Variants in NLGN1 observed in about 807,000 individuals in gnomAD.
The protein encoded by NLGN1 is neuroligin 1.
Under a neutral mutation model 65.5 loss-of-function variants are expected in NLGN1, and 12 were observed. The observed-to-expected ratio is 0.18, with a 90% CI of 0.12 to 0.30. The LOEUF (loss-of-function observed/expected upper bound fraction) is 0.30. Ranked by LOEUF, NLGN1 falls within the 10% of genes least tolerant of loss-of-function variation. The probability of loss-of-function intolerance (pLI) is 1.00; values close to 1 mark genes in which losing one functional copy is unlikely to be tolerated. For missense variants in NLGN1, 750 were observed against 1,007.1 expected, an observed-to-expected ratio of 0.74 and a Z score of 3.46; for synonymous variants, 350 against 359.5, an observed-to-expected ratio of 0.97 and a Z score of 0.30.
At chr3:173,829,873 G>A (rs1224173300) in intron 4 of NLGN1, among the ~76,000 whole-genome samples, 2 of 152,032 alleles carry the variant, frequency 1.3e-5, no homozygotes, top group African/African-American at 4.8e-5. Flanking sequence ...ATGTCTAAAA[G>A]GTTTTGAGTA....
intron 3 of NLGN1, among the ~76,000 whole-genome samples, chr3:173,805,496 G>A (rs1716448767): frequency 6.6e-6 from 1 of 152,154 alleles, no homozygotes; most frequent in African/African-American, 2.4e-5. Context: ...CATATTTTCA[G>A]TGTTTTCTGA....
At chr3:174,237,720 C>G (rs1327127281) in intron 4 of NLGN1, among the ~76,000 whole-genome samples, 2 of 152,086 alleles carry the variant, frequency 1.3e-5, no homozygotes, top group East Asian at 3.9e-4. Flanking sequence ...TAATGTGTGG[C>G]TAATTTTTGT....
At chr3:174,026,414 C>G (rs1728839147) in intron 4 of NLGN1, among the ~76,000 whole-genome samples, 1 of 152,154 alleles carries the variant, frequency 6.6e-6, no homozygotes, top group African/African-American at 2.4e-5. Context: ...TCATGAACCA[C>G]CACACCTGGC....
At chr3:173,722,241 CTTTTTTTTTTT>C (rs58327862) in intron 3 of NLGN1, among the ~76,000 whole-genome samples, 25 of 100,128 alleles carry the variant, frequency 2.5e-4, no homozygotes, top group Admixed American at 7.3e-4. Context: ...TCTTCTTCTT[CTTTTTTTTTTT>C]TTTTTTTTTT....
chr3:173,580,548 A>G (rs1746234805), intron 2 of NLGN1, among the ~76,000 whole-genome samples: 1 of 152,124 alleles, frequency 6.6e-6, no homozygotes, highest in African/African-American at 2.4e-5. Context: ...TAAGTCAGTC[A>G]TTTACTAATA....
chr3:174,109,797 T>C (rs1430951617), intron 4 of NLGN1, among the ~76,000 whole-genome samples: 2 of 152,056 alleles, frequency 1.3e-5, no homozygotes, highest in Non-Finnish European at 2.9e-5. Context: ...TTAATGTTGC[T>C]TTCAAGGAAC....
intron 4 of NLGN1, among the ~76,000 whole-genome samples, chr3:173,832,653 A>C (rs1391797387): frequency 6.6e-6 from 1 of 152,224 alleles, no homozygotes; most frequent in Admixed American, 6.5e-5. Flanking sequence ...AATTTTGTTA[A>C]CTTAGGAAAG....
chr3:173,669,553 A>G (rs183686856), intron 3 of NLGN1, among the ~76,000 whole-genome samples: 1 of 152,312 alleles, frequency 6.6e-6, no homozygotes, highest in East Asian at 1.9e-4. Context: ...ATATTGGATT[A>G]GGGACCACCC....
intron 4 of NLGN1, among the ~76,000 whole-genome samples, chr3:174,100,426 C>T (rs1576869896): frequency 1.3e-5 from 2 of 152,156 alleles, no homozygotes; most frequent in African/African-American, 4.8e-5. Flanking sequence ...GTACAAGGCT[C>T]ATCTTGTCTC....
intron 3 of NLGN1, among the ~76,000 whole-genome samples, chr3:173,763,897 A>T (rs565925643): frequency 6.6e-6 from 1 of 152,174 alleles, no homozygotes; most frequent in African/African-American, 2.4e-5. Context: ...TCACACATCA[A>T]GCATACTCAT....
chr3:174,123,403 T>G (rs956643710), intron 4 of NLGN1, among the ~76,000 whole-genome samples: 4 of 119,956 alleles, frequency 3.3e-5, no homozygotes, highest in Non-Finnish European at 5.5e-5. Flanking sequence ...AGGCTGTTTT[T>G]GTTGTTGTTT....
chr3:174,133,753 T>C (rs1284174483), intron 4 of NLGN1, among the ~76,000 whole-genome samples: 1 of 152,102 alleles, frequency 6.6e-6, no homozygotes, highest in Non-Finnish European at 1.5e-5. Context: ...TGGAGGCAGA[T>C]TGTCGGAAGT....
At chr3:174,133,477 CCAGT>C (rs780487528) in intron 4 of NLGN1, among the ~76,000 whole-genome samples, 45 of 152,126 alleles carry the variant, frequency 3.0e-4, no homozygotes, top group Non-Finnish European at 5.4e-4. Flanking sequence ...GGGTTACCAG[CCAGT>C]CAATCTTTGG....
chr3:173,879,673 G>T, intron 4 of NLGN1, among the ~76,000 whole-genome samples: 1 of 151,372 alleles, frequency 6.6e-6, no homozygotes, highest in African/African-American at 2.4e-5. Context: ...TATATTCTGG[G>T]CATCATGAAT....
chr3:173,739,147 T>C (rs1774228690), intron 3 of NLGN1, among the ~76,000 whole-genome samples: 1 of 151,960 alleles, frequency 6.6e-6, no homozygotes, highest in Admixed American at 6.6e-5. Context: ...GTCGTACTCA[T>C]GGAACATCAA....
intron 4 of NLGN1, among the ~76,000 whole-genome samples, chr3:174,240,854 G>C (rs1247166019): frequency 6.6e-6 from 1 of 152,178 alleles, no homozygotes; most frequent in Admixed American, 6.5e-5. Flanking sequence ...CAGGTGGACT[G>C]CTTCCTGTCA....
chr3:174,021,247 C>T (rs1239971660), intron 4 of NLGN1, among the ~76,000 whole-genome samples: 4 of 151,874 alleles, frequency 2.6e-5, no homozygotes, highest in Non-Finnish European at 2.9e-5. Flanking sequence ...TATCTTTAAA[C>T]AATAATTTAC....
chr3:174,016,063 A>G (rs1315235977), intron 4 of NLGN1, among the ~76,000 whole-genome samples: 1 of 152,194 alleles, frequency 6.6e-6, no homozygotes, highest in Non-Finnish European at 1.5e-5. Context: ...CATCCCAGAA[A>G]TTAGAGTAGA....
intron 1 of NLGN1, among the ~76,000 whole-genome samples, chr3:173,405,014 T>C (rs1456585386): frequency 1.3e-5 from 2 of 152,122 alleles, no homozygotes; most frequent in Non-Finnish European, 2.9e-5. Context: ...ATCCATCTTT[T>C]ACATGAATAA....
Sources: gnomAD v4.1 joint callset for allele counts (sites outside exome capture counted in the v4.1 genomes callset) on GRCh38, gnomAD v4.1.1 for gene constraint, MANE v1.5 for transcripts, NCBI Gene and HGNC (gene_info 2026-07-23, HGNC 2026-07-21) for gene names.